The following RUNX1 variants were observed in gnomAD, a reference collection of about 807,000 sequenced individuals.
RUNX1 encodes RUNX family transcription factor 1, also known as runt-related transcription factor 1.
A neutral mutation model predicts 42.8 loss-of-function variants in RUNX1; 19 were observed. That is an observed-to-expected ratio of 0.44 (90% CI 0.31 to 0.65). The LOEUF (loss-of-function observed/expected upper bound fraction) is 0.65, where lower values mean the gene tolerates loss of function less well. Among genes scored for constraint, RUNX1 ranks in the 30% least tolerant of loss-of-function variants. RUNX1 has a pLI of 0.07. For missense variants in RUNX1, 528 were observed against 672.0 expected, an observed-to-expected ratio of 0.79 and a Z score of 2.37; for synonymous variants, 271 against 289.4, an observed-to-expected ratio of 0.94 and a Z score of 0.64.
chr21:34,897,312 G>T (rs1489474256), intron 2 of RUNX1, among the ~76,000 whole-genome samples: 2 of 152,180 alleles, frequency 1.3e-5, no homozygotes, highest in Non-Finnish European at 2.9e-5. Context: ...CTCTGAAAAA[G>T]GGGGTTCCTG....
At chr21:34,939,348 C>A (rs2058509720) in intron 2 of RUNX1, among the ~76,000 whole-genome samples, 1 of 152,154 alleles carries the variant, frequency 6.6e-6, no homozygotes, top group Admixed American at 6.5e-5. Context: ...TGCTGGGCTG[C>A]CAATTGACGA....
chr21:34,993,215 C>G (rs1260317793), intron 2 of RUNX1, among the ~76,000 whole-genome samples: 1 of 152,192 alleles, frequency 6.6e-6, no homozygotes, highest in African/African-American at 2.4e-5. Context: ...GTTTCCCAAT[C>G]TAATCTATAT....
rs2059419478 is a variant in RUNX1 at position 35,048,885 on chromosome 21, G to A, written c.15C>T (p.Ser5=). 6.2e-7 allele frequency: 1 copy of A among 1,613,894 alleles called. No individual in the cohort carries two copies. The highest frequency in any genetic ancestry group is 8.5e-7 in the Non-Finnish European group (1 of 1,179,852). MASD[S]IFESFPSYPQ... ...GGTACGAAGGAAATGACTCAAATAT[G>A]CTGTCTGAAGCCATCGCTTCCTCCT... The change falls in exon 2 of 9, where the codon AGC becomes AGT. Residue 5 remains serine (S), a synonymous_variant. Coordinates refer to ENST00000675419, the MANE Select transcript of RUNX1 (RefSeq NM_001754.5).
At chr21:35,045,796 A>G (rs146584021) in intron 2 of RUNX1, among the ~76,000 whole-genome samples, 1,903 of 152,338 alleles carry the variant, frequency 0.012, 135 homozygotes, top group Admixed American at 0.12. Flanking sequence ...CATACTTTAT[A>G]CATGCAGCTT....
At chr21:34,800,174 T>C (rs2056588872) in intron 7 of RUNX1, among the ~76,000 whole-genome samples, 1 of 152,206 alleles carries the variant, frequency 6.6e-6, no homozygotes, top group South Asian at 2.1e-4. Context: ...AGATTGCCAT[T>C]ATAAGAGGCC....
rs1442322677 is a variant in RUNX1 at position 34,887,580 on chromosome 21, A to G, written c.98-484T>C. The G allele has an allele frequency of 2.7e-6, 3 of 1,117,360 alleles. No individual in the cohort carries two copies. In the East Asian group the frequency reaches 1.3e-4, roughly 49 times the overall value. The allele number at this position is 1,117,360 out of a possible 1,614,324, so 69.2% of individuals were successfully genotyped here. ...GCAGGTGAGTTTTGTCTAAAGTCCC[A>G]ACAGAACACAATTATCTCCCGTAAC... On this transcript the variant is annotated intron_variant, in intron 3 of 8. Transcript: ENST00000675419.
chr21:34,817,199 T>C (rs2145980996), intron 7 of RUNX1, among the ~76,000 whole-genome samples: 1 of 152,232 alleles, frequency 6.6e-6, no homozygotes. Flanking sequence ...CAGGCTGGAG[T>C]GTAGCCAGAA....
At chr21:34,849,339 TATTATATATAGTATATATA>T (rs2057370586) in intron 6 of RUNX1, among the ~76,000 whole-genome samples, 1 of 35,780 alleles carries the variant, frequency 2.8e-5, no homozygotes, top group African/African-American at 8.9e-5. Context: ...ATACTATATA[TATTATATATAGTATATATA>T]ATATATTATA....
At chr21:34,900,152 CAT>C (rs2058165978) in intron 2 of RUNX1, among the ~76,000 whole-genome samples, 1 of 152,164 alleles carries the variant, frequency 6.6e-6, no homozygotes, top group East Asian at 1.9e-4. Context: ...CTATTGAAAA[CAT>C]TGTCATTTGA....
chr21:34,961,761 G>C (rs909258590), intron 2 of RUNX1, among the ~76,000 whole-genome samples: 5 of 152,194 alleles, frequency 3.3e-5, no homozygotes, highest in African/African-American at 1.2e-4. Context: ...TAAGAAGAGG[G>C]AGGACCAGGC....
chr21:34,863,585 T>C (rs1027407357), intron 5 of RUNX1, among the ~76,000 whole-genome samples: 19 of 147,858 alleles, frequency 1.3e-4, no homozygotes, highest in Non-Finnish European at 2.4e-4. Flanking sequence ...GATGGAGTCT[T>C]GCACTGTCTC....
At chr21:34,995,935 T>C (rs917025072) in intron 2 of RUNX1, among the ~76,000 whole-genome samples, 2 of 152,256 alleles carry the variant, frequency 1.3e-5, no homozygotes, top group Non-Finnish European at 2.9e-5. Flanking sequence ...TTTTTATACT[T>C]GGCTTTTTGT....
At chr21:34,848,035 C>T (rs1343744084) in intron 6 of RUNX1, among the ~76,000 whole-genome samples, 3 of 152,106 alleles carry the variant, frequency 2.0e-5, no homozygotes, top group Non-Finnish European at 4.4e-5. Flanking sequence ...AAGGGGCCTA[C>T]CCGTCTAGAG....
At chr21:34,819,931 G>A (rs148744946) in intron 7 of RUNX1, among the ~76,000 whole-genome samples, 152 of 152,366 alleles carry the variant, frequency 1.0e-3, no homozygotes, top group Non-Finnish European at 1.6e-3. Context: ...GGGAGGAATC[G>A]GCACAGGATG....
intron 2 of RUNX1, among the ~76,000 whole-genome samples, chr21:34,976,896 CAT>C (rs1201119129): frequency 2.6e-5 from 4 of 152,058 alleles, no homozygotes; most frequent in Non-Finnish European, 4.4e-5. Context: ...TCTCACAAAA[CAT>C]AGCAGTGTGA....
chr21:34,823,895 T>C (rs1182669223), intron 7 of RUNX1, among the ~76,000 whole-genome samples: 1 of 152,142 alleles, frequency 6.6e-6, no homozygotes, highest in Non-Finnish European at 1.5e-5. Flanking sequence ...AGAACAAGAA[T>C]CCCCTTCCAA....
intron 2 of RUNX1, among the ~76,000 whole-genome samples, chr21:35,000,665 T>C (rs11701969): frequency 0.25 from 38,545 of 152,178 alleles, 5,226 homozygotes; most frequent in Middle Eastern, 0.35. Flanking sequence ...TTCCCATAGT[T>C]GAGTGCTTCA....
chr21:34,990,398 C>T (rs542329711), intron 2 of RUNX1, among the ~76,000 whole-genome samples: 3 of 152,248 alleles, frequency 2.0e-5, no homozygotes, highest in South Asian at 2.1e-4. Flanking sequence ...CAGAGCTGCA[C>T]GTGTGCCGCT....
chr21:34,826,614 T>G (rs1316702307), intron 7 of RUNX1, among the ~76,000 whole-genome samples: 2 of 151,882 alleles, frequency 1.3e-5, no homozygotes, highest in Admixed American at 6.5e-5. Flanking sequence ...TTTTTTTTTT[T>G]TGTATTTTTA....
Sources: gnomAD v4.1 joint callset for allele counts (sites outside exome capture counted in the v4.1 genomes callset) on GRCh38, gnomAD v4.1.1 for gene constraint, MANE v1.5 for transcripts, NCBI Gene and HGNC (gene_info 2026-07-23, HGNC 2026-07-21) for gene names.